TEX9: variants seen among roughly 807,000 people sequenced by gnomAD.
The protein encoded by TEX9 is testis expressed 9.
A neutral mutation model predicts 59.6 loss-of-function variants in TEX9; 74 were observed. The observed-to-expected ratio is 1.24, with a 90% confidence interval of 1.03 to 1.51. The LOEUF (loss-of-function observed/expected upper bound fraction) is 1.51, where lower values mean the gene tolerates loss of function less well. TEX9 is among the 40% of genes most tolerant of loss of function. TEX9 has a pLI of 0.00. For missense variants in TEX9, 522 were observed against 447.8 expected, an observed-to-expected ratio of 1.17 and a Z score of -1.49; for synonymous variants, 186 against 152.2, an observed-to-expected ratio of 1.22 and a Z score of -1.64.
intron 10 of TEX9, chr15:56,421,422 C>G (rs1201841393): frequency 6.6e-6 from 1 of 151,868 alleles, no homozygotes; most frequent in Non-Finnish European, 1.5e-5. Flanking sequence ...CATGTCAGCA[C>G]TCAAAAAGTT....
intron 1 of TEX9, among the ~76,000 whole-genome samples, chr15:56,329,926 A>G (rs2046105693): frequency 6.6e-6 from 1 of 152,112 alleles, no homozygotes; most frequent in Non-Finnish European, 1.5e-5. Context: ...CAAGAAGGTT[A>G]TAGAACACCA....
At chr15:56,245,392 A>G (rs1419853330) in intron 1 of TEX9, among the ~76,000 whole-genome samples, 1 of 152,170 alleles carries the variant, frequency 6.6e-6, no homozygotes, top group African/African-American at 2.4e-5. Flanking sequence ...GCTGTGCTCC[A>G]ACTACCCATT....
intron 1 of TEX9, among the ~76,000 whole-genome samples, chr15:56,357,427 T>C (rs2046705236): frequency 6.6e-6 from 1 of 152,176 alleles, no homozygotes; most frequent in South Asian, 2.1e-4. Flanking sequence ...ATTTAAAAAT[T>C]TATCCTCTTT....
chr15:56,456,479 CT>C, the TEX9 span: 1 of 1,611,768 alleles, frequency 6.2e-7, no homozygotes, highest in Non-Finnish European at 8.5e-7. Flanking sequence ...AGTTTTTCTT[CT>C]TGTTTGAGCT....
At chr15:56,360,160 C>A (rs1434901412) in intron 1 of TEX9, among the ~76,000 whole-genome samples, 4 of 152,088 alleles carry the variant, frequency 2.6e-5, no homozygotes, top group Non-Finnish European at 5.9e-5. Context: ...GTTTAAAAAT[C>A]TATATTCATG....
At chr15:56,420,270 C>A (rs141350565) in intron 10 of TEX9, among the ~76,000 whole-genome samples, 1 of 150,892 alleles carries the variant, frequency 6.6e-6, no homozygotes, top group African/African-American at 2.4e-5. Context: ...CTTTCCCTCT[C>A]CTTACTTTTG....
chr15:56,323,980 A>G (rs973744213), intron 1 of TEX9, among the ~76,000 whole-genome samples: 1 of 152,266 alleles, frequency 6.6e-6, no homozygotes, highest in Admixed American at 6.5e-5. Flanking sequence ...GTCTTTAGAT[A>G]TCATGCCCTG....
At chr15:56,455,222 G>A in the TEX9 span, among the ~76,000 whole-genome samples, 3 of 96,170 alleles carry the variant, frequency 3.1e-5, no homozygotes, top group East Asian at 1.0e-3. Context: ...GGGAATTAGA[G>A]ATAAGAAATA....
chr15:56,370,749 A>G (rs2047157674), intron 2 of TEX9, among the ~76,000 whole-genome samples: 2 of 152,190 alleles, frequency 1.3e-5, no homozygotes, highest in South Asian at 2.1e-4. Context: ...ACTGTGATGT[A>G]TACACAGGTG....
chr15:56,333,666 C>G (rs982227536), intron 1 of TEX9, among the ~76,000 whole-genome samples: 1 of 151,952 alleles, frequency 6.6e-6, no homozygotes, highest in African/African-American at 2.4e-5. Context: ...TACTTGAAGT[C>G]CTAGCTAGAG....
At chr15:56,259,122 G>A (rs1024010793) in intron 1 of TEX9, among the ~76,000 whole-genome samples, 7 of 152,002 alleles carry the variant, frequency 4.6e-5, no homozygotes, top group South Asian at 2.1e-4. Context: ...CCTACCCAAT[G>A]TCATGAAATA....
chr15:56,373,179 T>C (rs1206351262), intron 2 of TEX9, among the ~76,000 whole-genome samples: 4 of 152,182 alleles, frequency 2.6e-5, no homozygotes, highest in Non-Finnish European at 4.4e-5. Flanking sequence ...TTCCCAAATA[T>C]ATTAGATAAG....
chr15:56,284,819 A>C (rs975295881), intron 1 of TEX9, among the ~76,000 whole-genome samples: 1 of 152,150 alleles, frequency 6.6e-6, no homozygotes, highest in African/African-American at 2.4e-5. Flanking sequence ...CATAGGACTT[A>C]AGTAGTGCCC....
At position 56,340,933 on chromosome 15, in the gene TEX9, G is replaced by A. The variant is rs543542108; in HGVS notation, c.-106-32508G>A. Among the ~76,000 whole-genome samples, 173 of 152,180 alleles carry A rather than the reference G, an allele frequency of 1.1e-3. 5 individuals are homozygous for A. The South Asian group carries it at 0.035, about 31-fold the overall frequency. ...AAAAATGAGTGGGCCATTTCTGCAGGCCCATAGGGTTCGGGCACACCTGGG... is the reference window on the plus strand; with the variant it reads ...AAAAATGAGTGGGCCATTTCTGCAGACCCATAGGGTTCGGGCACACCTGGG... On this transcript the variant is annotated intron_variant, in intron 1 of 5. Transcript: ENST00000560827.
intron 1 of TEX9, among the ~76,000 whole-genome samples, chr15:56,315,177 A>T (rs1488153802): frequency 2.1e-5 from 3 of 143,970 alleles, no homozygotes; most frequent in Non-Finnish European, 4.6e-5. Flanking sequence ...TTATGTGTGA[A>T]TTTGATCCTG....
chr15:56,415,204 T>G (rs1156580877), intron 10 of TEX9, among the ~76,000 whole-genome samples: 1 of 151,094 alleles, frequency 6.6e-6, no homozygotes, highest in Non-Finnish European at 1.5e-5. Context: ...ACTCTGCCGA[T>G]CATTTATTTT....
intron 12 of TEX9, among the ~76,000 whole-genome samples, chr15:56,444,278 A>G (rs1440093441): frequency 6.6e-6 from 1 of 152,042 alleles, no homozygotes; most frequent in Non-Finnish European, 1.5e-5. Context: ...AATTATGCTA[A>G]CGGAGATGAG....
chr15:56,404,241 A>C (rs1213319399), intron 9 of TEX9, among the ~76,000 whole-genome samples: 2 of 152,250 alleles, frequency 1.3e-5, no homozygotes, highest in Non-Finnish European at 2.9e-5. Context: ...CCCATCTGAC[A>C]AACGGCTAAT....
chr15:56,431,244 G>A (rs1218756936), intron 12 of TEX9: 32 of 1,015,154 alleles, frequency 3.2e-5, no homozygotes, highest in African/African-American at 1.3e-4. Context: ...GCCTGGACAG[G>A]AGGATCCCAT....
Sources: gnomAD v4.1 joint callset for allele counts (sites outside exome capture counted in the v4.1 genomes callset) on GRCh38, gnomAD v4.1.1 for gene constraint, MANE v1.5 for transcripts, NCBI Gene and HGNC (gene_info 2026-07-23, HGNC 2026-07-21) for gene names.